Variants in TES observed in about 807,000 individuals in gnomAD.
TES encodes the protein testin.
Under a neutral mutation model 48.2 loss-of-function variants are expected in TES, and 41 were observed. The ratio of observed to expected loss-of-function variants is 0.85; its 90% CI spans 0.66 to 1.10. The LOEUF (loss-of-function observed/expected upper bound fraction) is 1.10. TES is among the 50% of genes least tolerant of loss of function. The pLI is 0.00. For missense variants in TES, 463 were observed against 515.1 expected (o/e 0.90, Z 0.98); for synonymous variants, 162 against 174.9 (o/e 0.93, Z 0.58).
intron 4 of TES, 179 bp from the exon 5 acceptor site, chr7:116,251,581 G>A: frequency 1.6e-6 from 1 of 606,328 alleles, no homozygotes; most frequent in Non-Finnish European, 2.9e-6. Context: ...TACTCGGGAG[G>A]CTGAGGCAGG....
chr7:116,219,594 CTCT>C (rs142626308), intron 1 of TES, among the ~76,000 whole-genome samples: 3,877 of 152,194 alleles, frequency 0.025, 61 homozygotes, highest in Non-Finnish European at 0.038. Context: ...CCTTTTAAGC[CTCT>C]TCTTATGCCA....
At chr7:116,241,696 CT>C (rs900452201) in intron 2 of TES, among the ~76,000 whole-genome samples, 8 of 144,078 alleles carry the variant, frequency 5.6e-5, no homozygotes, top group African/African-American at 1.8e-4. Flanking sequence ...TTAGGTATTT[CT>C]TTTTTCTTAC....
rs575275637 is a variant in TES, at chr7:116,240,574, A to G, written c.113+5955A>G. Among the ~76,000 whole-genome samples, 13 of 152,300 alleles carry G rather than the reference A, an allele frequency of 8.5e-5. No homozygotes were observed. In the South Asian group the frequency reaches 2.5e-3, roughly 29 times the overall value. ...TTTGTACAAACAACTTTTTATACAA[A>G]TAACCCTCCTCCATCCCCACACCTT... On this transcript the variant is annotated intron_variant, in intron 2 of 6. Coordinates refer to ENST00000358204, the MANE Select transcript of TES (RefSeq NM_015641.4).
At chr7:116,232,561 T>C (rs1444211319) in intron 1 of TES, among the ~76,000 whole-genome samples, 2 of 152,154 alleles carry the variant, frequency 1.3e-5, no homozygotes, top group African/African-American at 4.8e-5. Context: ...AAGAAAACTT[T>C]TTTGGATTTG....
chr7:116,248,909 G>T, intron 2 of TES, 111 bp from the exon 3 acceptor site: 1 of 1,126,612 alleles, frequency 8.9e-7, no homozygotes, highest in African/African-American at 1.6e-5. Flanking sequence ...ACTTGCCTTT[G>T]CATACCATGA....
intron 2 of TES, among the ~76,000 whole-genome samples, chr7:116,245,159 T>C (rs1216780012): frequency 1.3e-5 from 2 of 152,228 alleles, no homozygotes; most frequent in Non-Finnish European, 2.9e-5. Context: ...TTGTTACTTA[T>C]GCAAATTTCT....
rs1361659718 is a variant in TES at position 116,256,365 on chromosome 7, A to G, written c.1078-929A>G. ...CATTACGAGACCAAGGGTGCTTAAG[A>G]TTAGTCACTGTGATACCAGACAGTC... On this transcript the variant is annotated intron_variant, in intron 6 of 6. Coordinates refer to ENST00000358204, the MANE Select transcript of TES (RefSeq NM_015641.4). 2.0e-5 allele frequency among the ~76,000 whole-genome samples: 3 copies of G among 152,170 alleles called. No homozygotes were observed. In the East Asian group the frequency reaches 5.8e-4, roughly 29 times the overall value.
rs1369379788 is a variant in TES, at chr7:116,257,359, C to T, written c.1143C>T (p.Ser381=). The T allele has an allele frequency of 1.2e-6, 2 of 1,614,008 alleles. No homozygotes were observed. The highest frequency in any genetic ancestry group is 1.7e-6 in the Non-Finnish European group (2 of 1,179,970). Residue 381 remains serine, a synonymous_variant, in exon 7 of 7, where the codon AGC becomes AGT. Coordinates refer to ENST00000358204, the MANE Select transcript of TES (RefSeq NM_015641.4). ...AGCGGGTGACCTATAACAATTTCAG[C>T]TGGCATGCATCCACAGAGTGCTTTC... ...EVQRVTYNNF[S]WHASTECFLC...
intron 2 of TES, among the ~76,000 whole-genome samples, chr7:116,235,147 C>T (rs894963318): frequency 3.9e-5 from 6 of 152,162 alleles, no homozygotes; most frequent in Non-Finnish European, 8.8e-5. Flanking sequence ...GATGGGGTTT[C>T]GCCATGTTGG....
At chr7:116,221,559 C>G (rs1799557791) in intron 1 of TES, among the ~76,000 whole-genome samples, 1 of 152,116 alleles carries the variant, frequency 6.6e-6, no homozygotes, top group African/African-American at 2.4e-5. Context: ...CTCAAGAGAC[C>G]TTGCTTGCTT....
chr7:116,227,829 A>G (rs1378459767), intron 1 of TES, among the ~76,000 whole-genome samples: 1 of 152,122 alleles, frequency 6.6e-6, no homozygotes. Flanking sequence ...AAGAAGTCTT[A>G]GTAATGCTTG....
At chr7:116,247,696 C>G (rs1799946810) in intron 2 of TES, among the ~76,000 whole-genome samples, 1 of 152,138 alleles carries the variant, frequency 6.6e-6, no homozygotes, top group South Asian at 2.1e-4. Context: ...TGTTAAAATA[C>G]TTACTTAGAA....
intron 5 of TES, 139 bp downstream of exon 5, chr7:116,252,114 A>G (rs1800023395): frequency 3.9e-6 from 4 of 1,013,534 alleles, no homozygotes; most frequent in Non-Finnish European, 5.7e-6. Context: ...TAAACTTCTG[A>G]TATCATTCAT....
rs767005550 is a variant in TES, at chr7:116,250,235, G to A, written c.441G>A (p.Lys147=). 3 of 1,607,982 alleles carry A rather than the reference G, an allele frequency of 1.9e-6. No individual in the cohort carries two copies. The highest frequency in any genetic ancestry group is 3.4e-5 in the Admixed American group (2 of 59,128). ...GCTCAGAGGGGGCACAGTACCGGAA[G>A]AAGCAGCTGGCAAAGCAGCTCCCTG... The part of the protein sequence containing the change: ...VAGSEGAQYR[K]KQLAKQLPAH... Residue 147 remains lysine (K), a synonymous_variant, in exon 4 of 7, where the codon AAG becomes AAA. Coordinates refer to ENST00000358204, the MANE Select transcript of TES (RefSeq NM_015641.4).
chr7:116,237,509 G>T (rs890679004), intron 2 of TES, among the ~76,000 whole-genome samples: 1 of 151,948 alleles, frequency 6.6e-6, no homozygotes, highest in Non-Finnish European at 1.5e-5. Context: ...TGATCCAAGT[G>T]CTTGATACAT....
chr7:116,224,425 T>C (rs867321504), intron 1 of TES, among the ~76,000 whole-genome samples: 1 of 152,242 alleles, frequency 6.6e-6, no homozygotes, highest in Admixed American at 6.5e-5. Context: ...GCATAATGTA[T>C]GTAATCTTAC....
intron 1 of TES, among the ~76,000 whole-genome samples, chr7:116,214,653 T>C (rs1799474132): frequency 6.6e-6 from 1 of 152,166 alleles, no homozygotes; most frequent in Non-Finnish European, 1.5e-5. Context: ...GAATATTGGT[T>C]GGAGAAAAAA....
At chr7:116,220,380 A>G (rs1799542429) in intron 1 of TES, among the ~76,000 whole-genome samples, 1 of 152,108 alleles carries the variant, frequency 6.6e-6, no homozygotes, top group Admixed American at 6.6e-5. Context: ...ACTGTTGCCC[A>G]CTTTTCTCTA....
chr7:116,246,960 T>TC (rs1462499641), intron 2 of TES, among the ~76,000 whole-genome samples: 1 of 150,658 alleles, frequency 6.6e-6, no homozygotes, highest in Non-Finnish European at 1.5e-5. Flanking sequence ...TTTTTTTTTT[T>TC]TTTTTTTAAG....
Sources: gnomAD v4.1 joint callset for allele counts (sites outside exome capture counted in the v4.1 genomes callset) on GRCh38, gnomAD v4.1.1 for gene constraint, MANE v1.5 for transcripts, NCBI Gene and HGNC (gene_info 2026-07-23, HGNC 2026-07-21) for gene names.